The following MTX2 variants were observed in gnomAD, a reference collection of about 807,000 sequenced individuals.
MTX2 encodes the protein metaxin-2.
Under a neutral mutation model 42.3 loss-of-function variants are expected in MTX2, and 35 were observed. That is an observed-to-expected ratio of 0.83 (90% CI 0.63 to 1.10). The LOEUF is 1.10. Among genes scored for constraint, MTX2 ranks in the 50% least tolerant of loss-of-function variants. The pLI, the probability that MTX2 is intolerant of heterozygous loss-of-function variation, is 0.00. For synonymous variants in MTX2, 119 were observed against 100.9 expected, an observed-to-expected ratio of 1.18 and a Z score of -1.08; for missense variants, 307 against 304.1, an observed-to-expected ratio of 1.01 and a Z score of -0.07.
chr2:176,275,361 C>G (rs1011424762), intron 1 of MTX2, among the ~76,000 whole-genome samples: 1 of 152,002 alleles, frequency 6.6e-6, no homozygotes, highest in East Asian at 1.9e-4. Flanking sequence ...GCCTCAGCCT[C>G]TTGAGTAGCT....
chr2:176,306,814 G>A (rs1167993626), intron 3 of MTX2, among the ~76,000 whole-genome samples: 2 of 152,006 alleles, frequency 1.3e-5, no homozygotes, highest in Non-Finnish European at 2.9e-5. Flanking sequence ...TTAGCCCTTT[G>A]TCGGATGGGT....
intron 3 of MTX2, among the ~76,000 whole-genome samples, chr2:176,316,922 A>G (rs555513501): frequency 1.2e-4 from 18 of 151,948 alleles, no homozygotes; most frequent in African/African-American, 4.1e-4. Flanking sequence ...AAGGATATGT[A>G]TGTATAGAAT....
chr2:176,297,993 C>A, intron 3 of MTX2, 98 bp downstream of exon 3: 1 of 770,980 alleles, frequency 1.3e-6, no homozygotes, highest in Non-Finnish European at 1.9e-6. Context: ...ATGTCTGATA[C>A]TATATGTTTA....
intron 3 of MTX2, 52 bp downstream of exon 3, chr2:176,297,947 C>G (rs1683931824): frequency 1.5e-6 from 2 of 1,357,330 alleles, no homozygotes; most frequent in African/African-American, 2.9e-5. Context: ...TGGTTTGCAT[C>G]ATTTTGACTT....
intron 3 of MTX2, among the ~76,000 whole-genome samples, chr2:176,304,894 C>A (rs1192303193): frequency 1.3e-5 from 2 of 151,994 alleles, no homozygotes; most frequent in Non-Finnish European, 2.9e-5. Context: ...TGCTACCTAT[C>A]TAGAATTTGA....
chr2:176,294,760 C>T lies in MTX2; in HGVS notation c.41-2100C>T, dbSNP rs146463038. Among the ~76,000 whole-genome samples, 44 of 152,186 alleles carry T rather than the reference C, an allele frequency of 2.9e-4. 1 individual carries two copies. The East Asian group carries it at 3.1e-3, about 11-fold the overall frequency. ...AAAATAATTGCAGTTTTTGGCATAT[C>T]GTTTGTTGGATTCTTCTTTGTAAAA... On this transcript the variant is annotated intron_variant, in intron 1 of 9. Coordinates refer to ENST00000249442, the MANE Select transcript of MTX2 (RefSeq NM_006554.5).
chr2:176,292,515 CT>C (rs1213791642), intron 1 of MTX2, among the ~76,000 whole-genome samples: 3 of 151,654 alleles, frequency 2.0e-5, no homozygotes, highest in African/African-American at 2.4e-5. Context: ...AAGAAGTTGT[CT>C]TTTTTTGTCT....
intron 4 of MTX2, among the ~76,000 whole-genome samples, chr2:176,324,280 AT>A (rs571984413): frequency 1.5e-4 from 23 of 149,730 alleles, no homozygotes; most frequent in African/African-American, 2.7e-4. Context: ...CTTGTGTTAA[AT>A]TTTTTTTTTC....
At chr2:176,324,711 G>A (rs908178295) in intron 4 of MTX2, among the ~76,000 whole-genome samples, 1 of 151,612 alleles carries the variant, frequency 6.6e-6, no homozygotes, top group African/African-American at 2.4e-5. Context: ...TATACTTAGT[G>A]TCATTTAGGT....
chr2:176,269,657 T>C lies in MTX2; in HGVS notation c.28T>C (p.Ser10Pro). 1.3e-6 allele frequency: 2 copies of C among 1,597,786 alleles called. No homozygotes were observed. Among genetic ancestry groups the C allele is most frequent in the Non-Finnish European group, 1.7e-6 (2 of 1,174,904 alleles). MSLVAEAFVSQIAAAEPWPE... is the reference protein window; with the variant it reads MSLVAEAFVPQIAAAEPWPE... Reference sequence around the variant, plus strand: ...GTCTCTAGTGGCGGAAGCCTTCGTCTCCCAGATTGCAGGTAGCGCGGCTGG... The same window carrying C: ...GTCTCTAGTGGCGGAAGCCTTCGTCCCCCAGATTGCAGGTAGCGCGGCTGG... Residue 10 changes from serine (S) to proline (P), a missense_variant, in exon 1 of 10, where the codon TCC becomes CCC. Physicochemically the swap from Ser to Pro is moderately conservative, Grantham distance 74. Transcript: ENST00000249442.
chr2:176,317,496 A>G (rs1306486716), intron 3 of MTX2, among the ~76,000 whole-genome samples: 3 of 152,110 alleles, frequency 2.0e-5, no homozygotes, highest in Non-Finnish European at 1.5e-5. Flanking sequence ...CTCTGCTAAC[A>G]ATTTATAGTT....
chr2:176,328,832 C>T (rs976326869), intron 6 of MTX2, 42 bp from the exon 7 acceptor site: 2 of 1,573,362 alleles, frequency 1.3e-6, no homozygotes, highest in African/African-American at 2.7e-5. Context: ...TCCTTTTCCT[C>T]TTTGGTATTC....
At chr2:176,270,072 T>G (rs545829936) in intron 1 of MTX2, 1 of 324,726 alleles carries the variant, frequency 3.1e-6, no homozygotes, top group African/African-American at 2.1e-5. Flanking sequence ...AAGGTGACTG[T>G]CACTAATCAG....
intron 1 of MTX2, among the ~76,000 whole-genome samples, chr2:176,282,357 A>G (rs183284393): frequency 6.6e-6 from 1 of 152,100 alleles, no homozygotes. Flanking sequence ...CTATAGTAGA[A>G]ATCTGCACAG....
chr2:176,330,922 G>A (rs1684847762), intron 9 of MTX2, among the ~76,000 whole-genome samples: 1 of 150,636 alleles, frequency 6.6e-6, no homozygotes, highest in African/African-American at 2.4e-5. Flanking sequence ...GTTTTAATGA[G>A]GTAGTTCAAG....
chr2:176,327,861 G>A (rs2105443800), intron 5 of MTX2, among the ~76,000 whole-genome samples: 1 of 151,034 alleles, frequency 6.6e-6, no homozygotes, highest in Middle Eastern at 3.4e-3. Flanking sequence ...GTATCTCCTA[G>A]TAACTATAGA....
rs1489515230 is a variant in MTX2, at chr2:176,328,273, T to C, written c.286-20T>C. 31 of 1,487,188 alleles carry C rather than the reference T, an allele frequency of 2.1e-5. No homozygotes were observed. Among genetic ancestry groups the C allele is most frequent in the Non-Finnish European group, 2.6e-5 (29 of 1,110,434 alleles). 92.1% of individuals were successfully genotyped at this position (1,487,188 alleles called of 1,614,324 possible). A position where few individuals can be genotyped will look rare whatever the true frequency, so the allele number is the denominator to read the frequency against. ...ATATTTAATATGATGTTCTTTTAAA[T>C]TTTTTTAAATTCCCTTTAGGGCCAT... On this transcript the variant is annotated intron_variant, in intron 5 of 9. Transcript: ENST00000249442.
chr2:176,324,280 A>T (rs1383683786), intron 4 of MTX2, among the ~76,000 whole-genome samples: 1 of 149,634 alleles, frequency 6.7e-6, no homozygotes, highest in Non-Finnish European at 1.5e-5. Flanking sequence ...CTTGTGTTAA[A>T]TTTTTTTTTT....
chr2:176,270,264 G>A, intron 1 of MTX2: 8 of 996,044 alleles, frequency 8.0e-6, no homozygotes, highest in Non-Finnish European at 1.1e-5. Flanking sequence ...TCCGCTTCCC[G>A]GGTTCAAGCG....
Sources: allele counts gnomAD v4.1 joint callset (sites outside exome capture counted in the v4.1 genomes callset), GRCh38; gene constraint gnomAD v4.1.1; transcripts MANE v1.5; gene names NCBI Gene and HGNC (gene_info 2026-07-23, HGNC 2026-07-21).